SGIP1: variants seen among roughly 807,000 people sequenced by gnomAD.
SGIP1 encodes SH3-containing GRB2-like protein 3-interacting protein 1.
A neutral mutation model predicts 107.5 loss-of-function variants in SGIP1; 38 were observed. That is an observed-to-expected ratio of 0.35 (90% CI 0.27 to 0.46). The LOEUF is 0.46. Ranked by LOEUF, SGIP1 falls within the 20% of genes least tolerant of loss-of-function variation. SGIP1 has a pLI of 1.00. For synonymous variants in SGIP1, 365 were observed against 366.1 expected (o/e 1.00, Z 0.03); for missense variants, 929 against 1,019.5 (o/e 0.91, Z 1.21).
At chr1:66,712,775 C>A (rs1173521380) in intron 18 of SGIP1, among the ~76,000 whole-genome samples, 1 of 152,114 alleles carries the variant, frequency 6.6e-6, no homozygotes, top group Non-Finnish European at 1.5e-5. Flanking sequence ...TTTTTAGTCT[C>A]AGGCTGTCTA....
chr1:66,552,286 G>A (rs938679482), intron 1 of SGIP1, among the ~76,000 whole-genome samples: 9 of 152,152 alleles, frequency 5.9e-5, no homozygotes, highest in Admixed American at 1.3e-4. Flanking sequence ...TATTGGCTAT[G>A]TATCTGAAAG....
intron 1 of SGIP1, among the ~76,000 whole-genome samples, chr1:66,614,009 T>G (rs2068629288): frequency 6.6e-6 from 1 of 151,986 alleles, no homozygotes; most frequent in Non-Finnish European, 1.5e-5. Context: ...AATGCTAGAG[T>G]CATATCCCTG....
chr1:66,630,185 G>C (rs1486095032), intron 2 of SGIP1, among the ~76,000 whole-genome samples: 1 of 148,734 alleles, frequency 6.7e-6, no homozygotes, highest in Non-Finnish European at 1.5e-5. Context: ...CAGTTTCTCT[G>C]ATTAAAAATT....
At chr1:66,563,705 C>A (rs2059271766) in intron 1 of SGIP1, among the ~76,000 whole-genome samples, 1 of 151,962 alleles carries the variant, frequency 6.6e-6, no homozygotes, top group Non-Finnish European at 1.5e-5. Flanking sequence ...TTCCCCCACC[C>A]CCCTCCACCC....
intron 18 of SGIP1, among the ~76,000 whole-genome samples, chr1:66,700,277 A>G (rs2091684658): frequency 6.7e-6 from 1 of 149,928 alleles, no homozygotes; most frequent in Admixed American, 6.7e-5. Context: ...AGGCTGAGGC[A>G]GGAGAACTGT....
chr1:66,709,676 C>T (rs113807984), intron 18 of SGIP1, among the ~76,000 whole-genome samples: 1 of 152,252 alleles, frequency 6.6e-6, no homozygotes, highest in African/African-American at 2.4e-5. Flanking sequence ...CTACTTACCT[C>T]AGGACAGGAG....
At chr1:66,680,367 T>G (rs1490870813) in intron 14 of SGIP1, among the ~76,000 whole-genome samples, 3 of 152,236 alleles carry the variant, frequency 2.0e-5, no homozygotes, top group Admixed American at 1.3e-4. Flanking sequence ...TTCATACAAT[T>G]TATAGTCTGC....
chr1:66,589,058 T>A, intron 1 of SGIP1, among the ~76,000 whole-genome samples: 1 of 150,434 alleles, frequency 6.6e-6, no homozygotes, highest in East Asian at 1.9e-4. Context: ...TTAATCAATA[T>A]TAAATTATAT....
intron 3 of SGIP1, chr1:66,634,037 T>C: frequency 6.6e-7 from 1 of 1,509,400 alleles, no homozygotes; most frequent in South Asian, 1.2e-5. Context: ...TAGACTGAAA[T>C]TGATCAGACA....
At chr1:66,709,906 T>C (rs554255837) in intron 18 of SGIP1, among the ~76,000 whole-genome samples, 7 of 152,156 alleles carry the variant, frequency 4.6e-5, no homozygotes, top group African/African-American at 1.7e-4. Context: ...AGTATAAGAC[T>C]ATCAAAACAC....
chr1:66,696,708 G>A (rs754044239), intron 18 of SGIP1, among the ~76,000 whole-genome samples: 1 of 152,152 alleles, frequency 6.6e-6, no homozygotes, highest in Non-Finnish European at 1.5e-5. Context: ...CTGGTCAGAA[G>A]GCAGGTGAAT....
chr1:66,576,204 T>C (rs1162553685), intron 1 of SGIP1, among the ~76,000 whole-genome samples: 1 of 152,184 alleles, frequency 6.6e-6, no homozygotes, highest in East Asian at 1.9e-4. Context: ...GTATTTTTCT[T>C]CTTGAAAAGA....
chr1:66,713,391 C>T (rs1304329296), intron 18 of SGIP1, among the ~76,000 whole-genome samples: 2 of 152,032 alleles, frequency 1.3e-5, no homozygotes, highest in Non-Finnish European at 2.9e-5. Context: ...CACTTACCAG[C>T]AGAGTTACTT....
chr1:66,707,697 G>A (rs531463379), intron 18 of SGIP1, among the ~76,000 whole-genome samples: 1 of 152,216 alleles, frequency 6.6e-6, no homozygotes, highest in East Asian at 1.9e-4. Context: ...GCATAGTCTG[G>A]TAGATGACTG....
At chr1:66,633,221 T>C (rs1027919182) in intron 3 of SGIP1, 127 bp downstream of exon 3, 4 of 680,694 alleles carry the variant, frequency 5.9e-6, no homozygotes, top group Non-Finnish European at 1.0e-5. Context: ...GACCTCTCAC[T>C]ATTGGAATTT....
intron 1 of SGIP1, among the ~76,000 whole-genome samples, chr1:66,544,421 C>T (rs7553325): frequency 0.56 from 84,784 of 152,026 alleles, 24,461 homozygotes; most frequent in East Asian, 0.96. Context: ...AGAGGTGGCT[C>T]ATACCTGTAA....
chr1:66,550,583 C>A (rs1187701987), intron 1 of SGIP1, among the ~76,000 whole-genome samples: 1 of 152,080 alleles, frequency 6.6e-6, no homozygotes, highest in African/African-American at 2.4e-5. Context: ...GCCCCTCCCC[C>A]AAGAGGAGGG....
intron 18 of SGIP1, among the ~76,000 whole-genome samples, chr1:66,699,190 A>G (rs540605365): frequency 6.6e-6 from 1 of 152,086 alleles, no homozygotes; most frequent in East Asian, 1.9e-4. Flanking sequence ...AGCACTCTCT[A>G]TGGAGACCTC....
At chr1:66,579,647 T>A (rs979795457) in intron 1 of SGIP1, among the ~76,000 whole-genome samples, 11 of 152,200 alleles carry the variant, frequency 7.2e-5, no homozygotes, top group Admixed American at 6.5e-5. Context: ...TCTTACTTTT[T>A]TGTCCACCCT....
Sources: allele counts gnomAD v4.1 joint callset (sites outside exome capture counted in the v4.1 genomes callset), GRCh38; gene constraint gnomAD v4.1.1; transcripts MANE v1.5; gene names NCBI Gene and HGNC (gene_info 2026-07-23, HGNC 2026-07-21).